Variants in SYN3 observed in about 807,000 individuals in gnomAD.
SYN3 encodes the protein synapsin III, also known as synapsin-3.
Under a neutral mutation model 65.8 loss-of-function variants are expected in SYN3, and 35 were observed. The observed-to-expected ratio is 0.53, with a 90% CI of 0.41 to 0.70. The LOEUF is 0.70. Among genes scored for constraint, SYN3 ranks in the 30% least tolerant of loss-of-function variants. SYN3 has a pLI of 0.00. For synonymous variants in SYN3, 270 were observed against 292.9 expected, an observed-to-expected ratio of 0.92 and a Z score of 0.80; for missense variants, 680 against 749.0, an observed-to-expected ratio of 0.91 and a Z score of 1.08.
At position 33,040,407 on chromosome 22, in the gene SYN3, T is replaced by C. The variant is rs968858855; in HGVS notation, c.-163+17885A>G. On this transcript the variant is annotated intron_variant, in intron 1 of 13. Coordinates refer to ENST00000358763, the MANE Select transcript of SYN3 (RefSeq NM_003490.4). Reference sequence around the variant, plus strand: ...CAATCCCTAGCTCAAACATGCATCATGCCTTTCATGGACCACAGCAAAACT... The same window carrying C: ...CAATCCCTAGCTCAAACATGCATCACGCCTTTCATGGACCACAGCAAAACT... Among the ~76,000 whole-genome samples, 8 of 152,192 alleles carry C rather than the reference T, an allele frequency of 5.3e-5. No homozygotes were observed. In the East Asian group the frequency reaches 9.6e-4, roughly 18 times the overall value.
intron 6 of SYN3, among the ~76,000 whole-genome samples, chr22:32,633,755 C>T: frequency 6.6e-6 from 1 of 151,976 alleles, no homozygotes; most frequent in East Asian, 1.9e-4. Flanking sequence ...CCCAAAGTAG[C>T]TGGGACCACA....
chr22:32,587,358 G>T (rs570595666), intron 7 of SYN3, among the ~76,000 whole-genome samples: 3 of 151,882 alleles, frequency 2.0e-5, no homozygotes, highest in South Asian at 2.1e-4. Context: ...GTGGGTGTTG[G>T]GGGGGAGGGT....
chr22:32,575,858 T>C (rs1045260230), intron 7 of SYN3, among the ~76,000 whole-genome samples: 3 of 152,016 alleles, frequency 2.0e-5, no homozygotes, highest in African/African-American at 7.3e-5. Context: ...AAAGTTCCCC[T>C]TCTTTCCTCA....
At chr22:32,585,489 G>C (rs1237536176) in intron 7 of SYN3, among the ~76,000 whole-genome samples, 1 of 152,158 alleles carries the variant, frequency 6.6e-6, no homozygotes, top group African/African-American at 2.4e-5. Context: ...AGGGAAAATT[G>C]CATTTACAGG....
At chr22:32,516,218 AT>A (rs5845006) in intron 13 of SYN3, among the ~76,000 whole-genome samples, 82,431 of 151,844 alleles carry the variant, frequency 0.54, 25,040 homozygotes, top group East Asian at 0.9. Context: ...TTATGCAAAT[AT>A]TTTTTATTTG....
At position 33,011,651 on chromosome 22, in the gene SYN3, T is replaced by G. The variant is rs529808023; in HGVS notation, c.-162-4827A>C. Among the ~76,000 whole-genome samples, 43 of 152,048 alleles carry G rather than the reference T, an allele frequency of 2.8e-4. No homozygotes were observed. The South Asian group carries it at 6.2e-3, about 22-fold the overall frequency. The stretch of plus-strand genomic sequence containing the variant: ...CTGAAAGAGTCTGTGTAATATTGTG[T>G]TTTTTTTCTTAAATTATTGGCAGAA... On this transcript the variant is annotated intron_variant, in intron 1 of 13. Transcript: ENST00000358763.
intron 6 of SYN3, among the ~76,000 whole-genome samples, chr22:32,799,638 T>G (rs935093059): frequency 2.0e-5 from 3 of 152,180 alleles, no homozygotes; most frequent in Non-Finnish European, 4.4e-5. Context: ...TCTAAAACCT[T>G]CCACATGACT....
intron 6 of SYN3, among the ~76,000 whole-genome samples, chr22:32,671,707 GCACACACATGCTCTCACAGGTA>G (rs1479062450): frequency 9.3e-4 from 131 of 140,968 alleles, no homozygotes; most frequent in Non-Finnish European, 1.6e-3. Flanking sequence ...TCACACAGGT[GCACACACATGCTCTCACAGGTA>G]CACACACATG....
intron 1 of SYN3, among the ~76,000 whole-genome samples, chr22:33,046,024 G>A (rs57040275): frequency 0.088 from 13,328 of 151,182 alleles, 899 homozygotes; most frequent in East Asian, 0.3. Context: ...AACAAAAAAC[G>A]TGTAATAGAC....
chr22:32,842,049 G>A (rs150590246), intron 6 of SYN3, among the ~76,000 whole-genome samples: 79 of 152,238 alleles, frequency 5.2e-4, no homozygotes, highest in African/African-American at 1.8e-3. Context: ...GAGAGGTTAG[G>A]GGGGAGGCTG....
intron 6 of SYN3, among the ~76,000 whole-genome samples, chr22:32,657,046 C>T (rs1173413977): frequency 6.6e-6 from 1 of 152,142 alleles, no homozygotes; most frequent in African/African-American, 2.4e-5. Context: ...TCCCAGGCAT[C>T]CCCCTCCCTA....
At chr22:32,556,656 C>A (rs577276031) in intron 7 of SYN3, among the ~76,000 whole-genome samples, 41 of 152,124 alleles carry the variant, frequency 2.7e-4, no homozygotes, top group African/African-American at 8.0e-4. Flanking sequence ...TAACAGAAGT[C>A]TCTGGTGTTA....
At chr22:33,016,289 T>C (rs1601911315) in intron 1 of SYN3, among the ~76,000 whole-genome samples, 4 of 152,226 alleles carry the variant, frequency 2.6e-5, no homozygotes, top group Admixed American at 2.6e-4. Context: ...AATGTAGTTA[T>C]AGAAATAATA....
intron 2 of SYN3, among the ~76,000 whole-genome samples, chr22:32,994,731 C>T (rs369777146): frequency 1.7e-4 from 26 of 152,280 alleles, no homozygotes; most frequent in East Asian, 7.7e-4. Flanking sequence ...GATCTCGACA[C>T]CCTCCTCTAG....
chr22:32,975,322 C>T (rs1475428049), intron 3 of SYN3, among the ~76,000 whole-genome samples: 1 of 149,490 alleles, frequency 6.7e-6, no homozygotes, highest in Non-Finnish European at 1.5e-5. Flanking sequence ...TGGCAGTGAG[C>T]GGAGATCTCA....
intron 6 of SYN3, among the ~76,000 whole-genome samples, chr22:32,830,773 G>T (rs1027520318): frequency 6.6e-6 from 1 of 152,140 alleles, no homozygotes; most frequent in Non-Finnish European, 1.5e-5. Context: ...GACCGTGAGT[G>T]TATCCGCCTC....
intron 4 of SYN3, among the ~76,000 whole-genome samples, chr22:32,930,257 G>A (rs1171739600): frequency 6.6e-6 from 1 of 152,098 alleles, no homozygotes; most frequent in Non-Finnish European, 1.5e-5. Context: ...TCTTTCTCAT[G>A]CTGTTCTCGT....
At chr22:33,052,365 T>C (rs1200105155) in intron 1 of SYN3, among the ~76,000 whole-genome samples, 7 of 146,588 alleles carry the variant, frequency 4.8e-5, no homozygotes, top group South Asian at 2.1e-4. Context: ...GTGTGGAACT[T>C]TGAAATCTCT....
chr22:32,516,497 G>C (rs2057778793), intron 13 of SYN3, among the ~76,000 whole-genome samples: 1 of 152,184 alleles, frequency 6.6e-6, no homozygotes, highest in East Asian at 1.9e-4. Context: ...CTGAGTAGCT[G>C]GGACTACAGG....
Sources: allele counts gnomAD v4.1 joint callset (sites outside exome capture counted in the v4.1 genomes callset), GRCh38; gene constraint gnomAD v4.1.1; transcripts MANE v1.5; gene names NCBI Gene and HGNC (gene_info 2026-07-23, HGNC 2026-07-21).